The following ICE2 variants were observed in gnomAD, a reference collection of about 807,000 sequenced individuals.
The protein encoded by ICE2 is interactor of little elongation complex ELL subunit 2.
ICE2 carries 87 observed loss-of-function variants against 105.4 expected under a neutral mutation model. The observed-to-expected ratio is 0.83, with a 90% CI of 0.69 to 0.99. The LOEUF (loss-of-function observed/expected upper bound fraction) is 0.99, where lower values mean the gene tolerates loss of function less well. Ranked by LOEUF, ICE2 falls within the 50% of genes least tolerant of loss-of-function variation. The probability of loss-of-function intolerance (pLI) is 0.00; values close to 1 mark genes in which losing one functional copy is unlikely to be tolerated. For synonymous variants in ICE2, 399 were observed against 392.0 expected (o/e 1.02, Z -0.21); for missense variants, 1,323 against 1,146.7 (o/e 1.15, Z -2.22).
intron 5 of ICE2, among the ~76,000 whole-genome samples, chr15:60,459,080 G>A (rs1327943008): frequency 6.6e-6 from 1 of 152,152 alleles, no homozygotes; most frequent in African/African-American, 2.4e-5. Context: ...TTATTGAACT[G>A]TACACTTAAA....
At chr15:60,425,331 T>C (rs2063317196) in intron 15 of ICE2, among the ~76,000 whole-genome samples, 1 of 152,240 alleles carries the variant, frequency 6.6e-6, no homozygotes, top group East Asian at 1.9e-4. Flanking sequence ...TGGTATTTCC[T>C]ATAAAGGTAT....
At chr15:60,478,542 A>C (rs778779879) in intron 1 of ICE2, 11 of 211,214 alleles carry the variant, frequency 5.2e-5, no homozygotes, top group Non-Finnish European at 9.7e-5. Flanking sequence ...AGGTCAACTT[A>C]AGTGACATTT....
rs772492854 is a variant in ICE2, at chr15:60,449,497, T to C, written c.1470A>G (p.Glu490=). 1.2e-6 allele frequency: 2 copies of C among 1,614,196 alleles called. No homozygotes were observed. Among genetic ancestry groups the C allele is most frequent in the South Asian group, 2.2e-5 (2 of 91,088 alleles). Residue 490 remains glutamate (E), a synonymous_variant, in exon 10 of 16, where the codon GAA becomes GAG. Coordinates refer to ENST00000261520, the MANE Select transcript of ICE2 (RefSeq NM_024611.6). ...ECKNKDDQGF[E]SCEKVSNSDK... ...CAGAATTTGATACCTTTTCACATGA[T>C]TCAAATCCCTGATCATCTTTATTTT...
intron 2 of ICE2, among the ~76,000 whole-genome samples, chr15:60,477,061 T>C (rs529532640): frequency 6.6e-6 from 1 of 152,350 alleles, no homozygotes; most frequent in South Asian, 2.1e-4. Context: ...TTCTAGCATA[T>C]TTGCTCCATA....
At chr15:60,447,006 C>T (rs1199623167) in intron 11 of ICE2, among the ~76,000 whole-genome samples, 1 of 151,942 alleles carries the variant, frequency 6.6e-6, no homozygotes, top group Non-Finnish European at 1.5e-5. Context: ...ACTCAGTAGT[C>T]ATACACACAA....
Position 60,478,070 on chromosome 15 carries a change from C to G in ICE2, c.-92-1G>C. ...CAGGATCCCTCCAGAACTTACTCAG[C>G]TGAGTAAAAACAAAAGGCCAAGATC... On this transcript the variant is annotated splice_acceptor_variant, in intron 1 of 15. Transcript: ENST00000261520. LOFTEE classifies it low-confidence loss of function (5UTR_SPLICE). The G allele has an allele frequency of 1.7e-6, 2 of 1,202,890 alleles. No homozygotes were observed. The highest frequency in any genetic ancestry group is 2.5e-6 in the Non-Finnish European group (2 of 811,106). 74.5% of individuals were successfully genotyped at this position (1,202,890 alleles called of 1,614,324 possible).
intron 5 of ICE2, among the ~76,000 whole-genome samples, chr15:60,464,722 T>C (rs371522170): frequency 6.6e-6 from 1 of 152,112 alleles, no homozygotes; most frequent in Non-Finnish European, 1.5e-5. Flanking sequence ...CAGGCCACTG[T>C]AGAACTTTGT....
chr15:60,442,201 G>A (rs530683470), intron 12 of ICE2: 7 of 412,320 alleles, frequency 1.7e-5, no homozygotes, highest in African/African-American at 1.5e-4. Context: ...GCTGCAGTGG[G>A]AGGATCACTT....
chr15:60,448,038 G>C lies in ICE2; in HGVS notation c.2227C>G (p.Leu743Val), dbSNP rs1399090415. Residue 743 changes from leucine (L) to valine (V), a missense_variant, in exon 11 of 16, where the codon CTC (leucine) becomes GTC (valine). Physicochemically the swap from Leu to Val is conservative, Grantham distance 32 (BLOSUM62 1). Transcript: ENST00000261520. ...ATCCTCTGGACACTGCAGCGTACGA[G>C]TAACAACAGGTCTTGCAGGCTAAAT... ...KLFSLQDLLL[L>V]VRCSVQRIET... The C allele has an allele frequency of 1.2e-6, 2 of 1,613,886 alleles. No individual in the cohort carries two copies. Among genetic ancestry groups the C allele is most frequent in the African/African-American group, 1.3e-5 (1 of 75,020 alleles).
intron 12 of ICE2, 139 bp downstream of exon 12, chr15:60,442,277 A>G: frequency 1.4e-6 from 1 of 732,730 alleles, no homozygotes; most frequent in Non-Finnish European, 2.2e-6. Flanking sequence ...TGGGCAACAG[A>G]ATGAGACCCT....
In ICE2 at chr15:60,421,280, A is replaced by G. The variant is rs184582965; in HGVS notation, c.*2354T>C. The G allele has an allele frequency of 6.6e-6, 1 of 151,980 alleles. No homozygotes were observed. Among genetic ancestry groups the G allele is most frequent in the East Asian group, 1.9e-4 (1 of 5,180 alleles). 9.4% of individuals were successfully genotyped at this position (151,980 alleles called of 1,614,324 possible). On this transcript the variant is annotated 3_prime_UTR_variant, in exon 16 of 16. Coordinates refer to ENST00000261520, the MANE Select transcript of ICE2 (RefSeq NM_024611.6). ...ACCCAGGATGGAGTGCAGTGGCACC[A>G]TCATAGCTCACTGCAGCCTCAAACT...
intron 3 of ICE2, among the ~76,000 whole-genome samples, chr15:60,475,238 T>C (rs1347660208): frequency 6.6e-6 from 1 of 152,066 alleles, no homozygotes; most frequent in African/African-American, 2.4e-5. Flanking sequence ...AAATAGTCGA[T>C]CAAAAAGCAA....
chr15:60,472,375 ATAAT>A (rs1218300741), intron 3 of ICE2, among the ~76,000 whole-genome samples: 1 of 152,166 alleles, frequency 6.6e-6, no homozygotes, highest in African/African-American at 2.4e-5. Context: ...AATAACTGTA[ATAAT>A]TATTACAGCA....
intron 3 of ICE2, among the ~76,000 whole-genome samples, chr15:60,470,595 T>C (rs547647043): frequency 1.3e-5 from 2 of 152,326 alleles, no homozygotes; most frequent in African/African-American, 4.8e-5. Context: ...TCTTACCAGA[T>C]ACAAATAAGT....
chr15:60,442,643 A>G (rs1423193255), intron 11 of ICE2, 98 bp from the exon 12 acceptor site: 1 of 891,222 alleles, frequency 1.1e-6, no homozygotes, highest in East Asian at 2.7e-5. Context: ...AAATGCTTTC[A>G]GGTAATCTTA....
chr15:60,455,053 T>A lies in ICE2; in HGVS notation c.893A>T (p.Tyr298Phe), dbSNP rs1371682142. The change falls in exon 8 of 16, where the codon TAC becomes TTC. Residue 298 changes from tyrosine (Y) to phenylalanine (F), a missense_variant. Transcript: ENST00000261520. Reference protein sequence around the residue: ...FTLLNNHGPTYKEQWEIPVCI... With the variant: ...FTLLNNHGPTFKEQWEIPVCI... ...CACTGGAATTTCCCACTGTTCCTTG[T>A]ACGTTGGTCCATGATTATTTAATAA... The A allele has an allele frequency of 6.3e-7, 1 of 1,596,232 alleles. No individual in the cohort carries two copies. Among genetic ancestry groups the A allele is most frequent in the Admixed American group, 1.8e-5 (1 of 55,134 alleles).
Position 60,448,117 on chromosome 15 carries a change from A to G in ICE2, c.2148T>C (p.Val716=). 1.2e-6 allele frequency: 2 copies of G among 1,612,236 alleles called. No individual in the cohort carries two copies. The highest frequency in any genetic ancestry group is 1.1e-5 in the South Asian group (1 of 90,948). ...GAGCTAGGTATTCCGATGTATCTTC[A>G]ACATAGTCCTGAAGTTCATATGGCA... ...GRLPYELQDY[V]EDTSEYLAPQ... is the part of the protein sequence containing the mutation. The change falls in exon 11 of 16, where the codon GTT becomes GTC. Residue 716 remains valine (V), a synonymous_variant. Transcript: ENST00000261520.
At chr15:60,456,163 T>A (rs896842501) in intron 6 of ICE2, among the ~76,000 whole-genome samples, 2 of 151,906 alleles carry the variant, frequency 1.3e-5, no homozygotes, top group Non-Finnish European at 2.9e-5. Context: ...AGTATTTCTA[T>A]CCACAGAATA....
At chr15:60,465,891 A>G (rs1391329139) in intron 5 of ICE2, among the ~76,000 whole-genome samples, 1 of 151,364 alleles carries the variant, frequency 6.6e-6, no homozygotes, top group Non-Finnish European at 1.5e-5. Flanking sequence ...AGCTGGGATT[A>G]CAAGCGCCCA....
Sources: allele counts gnomAD v4.1 joint callset (sites outside exome capture counted in the v4.1 genomes callset), GRCh38; gene constraint gnomAD v4.1.1; transcripts MANE v1.5; gene names NCBI Gene and HGNC (gene_info 2026-07-23, HGNC 2026-07-21).